The following NPSR1 variants were observed in gnomAD, a reference collection of about 807,000 sequenced individuals.
NPSR1 encodes the protein neuropeptide S receptor.
A neutral mutation model predicts 46.9 loss-of-function variants in NPSR1; 48 were observed. That is an observed-to-expected ratio of 1.02 (90% confidence interval 0.81 to 1.30). NPSR1 has a LOEUF of 1.30. Among genes scored for constraint, NPSR1 ranks in the 50% most tolerant of loss-of-function variants. The probability of loss-of-function intolerance (pLI) is 0.00; values close to 1 mark genes in which losing one functional copy is unlikely to be tolerated. For missense variants in NPSR1, 450 were observed against 449.5 expected (o/e 1.00, Z -0.01); for synonymous variants, 176 against 168.1 (o/e 1.05, Z -0.36).
chr7:34,813,461 A>G (rs1476432613), intron 4 of NPSR1, among the ~76,000 whole-genome samples: 1 of 152,154 alleles, frequency 6.6e-6, no homozygotes, highest in African/African-American at 2.4e-5. Context: ...GCGCCCTCAA[A>G]TGCTATATAG....
intron 6 of NPSR1, among the ~76,000 whole-genome samples, chr7:34,835,569 G>C (rs1052273855): frequency 6.6e-6 from 1 of 152,140 alleles, no homozygotes; most frequent in African/African-American, 2.4e-5. Flanking sequence ...CCCTCTTAAA[G>C]CTACTTTTTC....
chr7:34,694,693 G>A (rs368257510), intron 2 of NPSR1, among the ~76,000 whole-genome samples: 1 of 152,118 alleles, frequency 6.6e-6, no homozygotes, highest in South Asian at 2.1e-4. Flanking sequence ...AATTTTAAAA[G>A]ACCCTGAATA....
intron 2 of NPSR1, among the ~76,000 whole-genome samples, chr7:34,697,679 T>C (rs920525197): frequency 2.7e-5 from 4 of 149,920 alleles, no homozygotes; most frequent in Admixed American, 1.3e-4. Context: ...TATTGTATTG[T>C]TATTTTATAC....
At chr7:34,848,434 C>A (rs769777324) in intron 7 of NPSR1, 49 bp from the exon 8 acceptor site, 9 of 1,553,976 alleles carry the variant, frequency 5.8e-6, no homozygotes, top group Non-Finnish European at 5.3e-6. Flanking sequence ...CCAAAAGAGA[C>A]CCCTCAACTG....
intron 8 of NPSR1, among the ~76,000 whole-genome samples, chr7:34,872,142 C>T (rs1791470184): frequency 6.6e-6 from 1 of 151,978 alleles, no homozygotes; most frequent in East Asian, 1.9e-4. Flanking sequence ...TGCTTACATT[C>T]TGAGCATCTG....
At chr7:34,696,078 T>TAAAAAA (rs34574984) in intron 2 of NPSR1, among the ~76,000 whole-genome samples, 1 of 113,888 alleles carries the variant, frequency 8.8e-6, no homozygotes, top group East Asian at 2.7e-4. Context: ...GTTGATTTGA[T>TAAAAAA]AAAAAAAAAA....
intron 7 of NPSR1, among the ~76,000 whole-genome samples, chr7:34,847,230 A>T (rs987613364): frequency 1.5e-4 from 23 of 152,234 alleles, no homozygotes; most frequent in Non-Finnish European, 3.1e-4. Flanking sequence ...TTGTCCCTGC[A>T]TGCAGACAGC....
intron 7 of NPSR1, among the ~76,000 whole-genome samples, chr7:34,846,446 A>G (rs1790743838): frequency 6.6e-6 from 1 of 152,216 alleles, no homozygotes; most frequent in Non-Finnish European, 1.5e-5. Flanking sequence ...TCATTTAAAC[A>G]TTAATATATT....
intron 3 of NPSR1, among the ~76,000 whole-genome samples, chr7:34,797,354 G>A (rs946233084): frequency 2.0e-5 from 3 of 152,160 alleles, no homozygotes; most frequent in South Asian, 2.1e-4. Context: ...TGTCAATGTA[G>A]GTTCATCCAC....
intron 8 of NPSR1, among the ~76,000 whole-genome samples, chr7:34,855,496 A>G (rs1425193685): frequency 6.6e-6 from 1 of 152,150 alleles, no homozygotes; most frequent in Admixed American, 6.5e-5. Flanking sequence ...GAAAATATAG[A>G]TGAATGGGAA....
intron 3 of NPSR1, among the ~76,000 whole-genome samples, chr7:34,786,112 CA>C (rs1318279644): frequency 2.0e-5 from 3 of 152,156 alleles, no homozygotes; most frequent in Admixed American, 6.6e-5. Flanking sequence ...TGTTTGATAG[CA>C]TTTTACCCAG....
chr7:34,804,915 G>T (rs1300897353), intron 3 of NPSR1, among the ~76,000 whole-genome samples: 3 of 151,744 alleles, frequency 2.0e-5, no homozygotes, highest in African/African-American at 7.3e-5. Flanking sequence ...AGTTGAGATT[G>T]AAATTAAAAA....
intron 3 of NPSR1, among the ~76,000 whole-genome samples, chr7:34,780,633 G>T (rs1337478068): frequency 6.6e-6 from 1 of 152,136 alleles, no homozygotes; most frequent in Admixed American, 6.6e-5. Context: ...GCTTTGGCTT[G>T]CATTATTCTC....
intron 1 of NPSR1, among the ~76,000 whole-genome samples, chr7:34,669,610 C>A (rs1791939758): frequency 6.6e-6 from 1 of 151,818 alleles, no homozygotes; most frequent in Non-Finnish European, 1.5e-5. Context: ...TTGTTTAATT[C>A]TTTAATATGC....
chr7:34,726,501 A>G (rs1784158951), intron 2 of NPSR1, among the ~76,000 whole-genome samples: 1 of 152,142 alleles, frequency 6.6e-6, no homozygotes, highest in African/African-American at 2.4e-5. Flanking sequence ...CATCAATCAC[A>G]CTTCTTGGTA....
intron 2 of NPSR1, chr7:34,685,879 T>G (rs888476035): frequency 4.5e-6 from 1 of 223,132 alleles, no homozygotes; most frequent in African/African-American, 2.4e-5. Context: ...GGGGAAAGTT[T>G]CTTCAATCTT....
chr7:34,724,669 G>A (rs959590358), intron 2 of NPSR1, among the ~76,000 whole-genome samples: 1 of 152,104 alleles, frequency 6.6e-6, no homozygotes, highest in Non-Finnish European at 1.5e-5. Flanking sequence ...CAGAATTTGG[G>A]GTAAAATCCC....
intron 3 of NPSR1, among the ~76,000 whole-genome samples, chr7:34,811,160 C>T (rs974680858): frequency 6.6e-6 from 1 of 152,122 alleles, no homozygotes; most frequent in Admixed American, 6.5e-5. Flanking sequence ...TGGCCATGTC[C>T]TCGTCCATAG....
At chr7:34,846,716 GA>G (rs764627919) in intron 7 of NPSR1, among the ~76,000 whole-genome samples, 1 of 152,110 alleles carries the variant, frequency 6.6e-6, no homozygotes, top group African/African-American at 2.4e-5. Flanking sequence ...CCGGCAAAAA[GA>G]AAAAATCCTT....
Sources: allele counts gnomAD v4.1 joint callset (sites outside exome capture counted in the v4.1 genomes callset), GRCh38; gene constraint gnomAD v4.1.1; transcripts MANE v1.5; gene names NCBI Gene and HGNC (gene_info 2026-07-23, HGNC 2026-07-21).